The following CEP120 variants were observed in gnomAD, a reference collection of about 807,000 sequenced individuals.
CEP120 encodes centrosomal protein 120, also known as centrosomal protein of 120 kDa.
Under a neutral mutation model 126.5 loss-of-function variants are expected in CEP120, and 113 were observed. The observed-to-expected ratio is 0.89, with a 90% CI of 0.77 to 1.04. The LOEUF is 1.04. Among genes scored for constraint, CEP120 ranks in the 50% least tolerant of loss-of-function variants. The pLI is 0.00. For missense variants in CEP120, 1,230 were observed against 1,155.7 expected, an observed-to-expected ratio of 1.06 and a Z score of -0.93; for synonymous variants, 400 against 394.3, an observed-to-expected ratio of 1.01 and a Z score of -0.17.
chr5:123,409,017 G>C (rs1371750540), intron 4 of CEP120, among the ~76,000 whole-genome samples: 1 of 152,106 alleles, frequency 6.6e-6, no homozygotes, highest in African/African-American at 2.4e-5. Context: ...GACCAGTCTT[G>C]GCAACATAGG....
chr5:123,414,840 C>T (rs536892549), intron 3 of CEP120, among the ~76,000 whole-genome samples: 84 of 151,738 alleles, frequency 5.5e-4, no homozygotes, highest in South Asian at 5.2e-3. Flanking sequence ...GGCATGGTGG[C>T]GGGTGCCTGT....
chr5:123,353,531 T>C (rs549284252), intron 18 of CEP120, among the ~76,000 whole-genome samples: 148 of 152,070 alleles, frequency 9.7e-4, no homozygotes, highest in African/African-American at 3.5e-3. Context: ...TAAGCATTTT[T>C]CACTTCCCAT....
intron 3 of CEP120, among the ~76,000 whole-genome samples, chr5:123,414,277 G>A (rs1011609864): frequency 1.9e-4 from 29 of 152,134 alleles, no homozygotes; most frequent in African/African-American, 7.0e-4. Context: ...TCAAAGCCCA[G>A]GGTCTAAAAC....
At chr5:123,369,611 G>A (rs1424147330) in intron 17 of CEP120, among the ~76,000 whole-genome samples, 1 of 151,836 alleles carries the variant, frequency 6.6e-6, no homozygotes, top group Non-Finnish European at 1.5e-5. Context: ...GCTGTTCCCA[G>A]GACACACCTT....
intron 1 of CEP120, among the ~76,000 whole-genome samples, chr5:123,418,725 T>C (rs1247932189): frequency 6.6e-6 from 1 of 151,998 alleles, no homozygotes; most frequent in Non-Finnish European, 1.5e-5. Flanking sequence ...GCCTCCCAAG[T>C]AGCTGGGATT....
At chr5:123,402,439 A>G in intron 4 of CEP120, 1 of 997,140 alleles carries the variant, frequency 1.0e-6, no homozygotes, top group African/African-American at 1.6e-5. Context: ...TTTTTTATTG[A>G]GACAGAGTCT....
At chr5:123,391,013 T>A in intron 7 of CEP120, 97 bp downstream of exon 7, 2 of 806,332 alleles carry the variant, frequency 2.5e-6, no homozygotes, top group Non-Finnish European at 4.0e-6. Context: ...TTAATAAATA[T>A]ATCCTTATGA....
Position 123,377,522 on chromosome 5 carries a change from T to C in CEP120, c.2210A>G (p.Lys737Arg). 1.3e-6 allele frequency: 2 copies of C among 1,583,834 alleles called. No individual in the cohort carries two copies. Among genetic ancestry groups the C allele is most frequent in the Non-Finnish European group, 1.7e-6 (2 of 1,172,792 alleles). ...ASVESELQRE[K>R]KELQSERQRN... Reference sequence around the variant, plus strand: ...CTGACGTTCTGATTGCAGTTCCTTTTTTTCTCTTTGAAGCTTAAAACAAAG... The same window carrying C: ...CTGACGTTCTGATTGCAGTTCCTTTCTTTCTCTTTGAAGCTTAAAACAAAG... Residue 737 changes from lysine to arginine, a missense_variant, in exon 16 of 20, where the codon AAA (lysine) becomes AGA (arginine). Coordinates refer to ENST00000306467, the MANE Select transcript of CEP120 (RefSeq NM_001375405.1).
At position 123,391,169 on chromosome 5, in the gene CEP120, C is replaced by T; in HGVS notation, c.979G>A (p.Glu327Lys). The T allele has an allele frequency of 1.2e-6, 2 of 1,614,158 alleles. No individual in the cohort carries two copies. The highest frequency in any genetic ancestry group is 1.7e-6 in the Non-Finnish European group (2 of 1,180,032). ...AKQKLAPIPV[E>K]LAPTVGVSVA... ...GACACTCCCACAGTTGGGGCTAGCT[C>T]CACAGGAATAGGTGCAAGCTTCTGT... The change falls in exon 7 of 20, where the codon GAG becomes AAG. Residue 327 changes from glutamate (E) to lysine (K), a missense_variant. Coordinates refer to ENST00000306467, the MANE Select transcript of CEP120 (RefSeq NM_001375405.1).
rs750757836 is a variant in CEP120, at chr5:123,377,512, C to A, written c.2220G>T (p.Leu740=). 14 of 1,586,160 alleles carry A rather than the reference C, an allele frequency of 8.8e-6. No homozygotes were observed. In the Admixed American group the frequency reaches 2.8e-4, roughly 32 times the overall value. Residue 740 remains leucine (L), a synonymous_variant, in exon 16 of 20, where the codon CTG becomes CTT. Coordinates refer to ENST00000306467, the MANE Select transcript of CEP120 (RefSeq NM_001375405.1). ...ESELQREKKE[L]QSERQRNLQE... ...GCAGGTTCCGCTGACGTTCTGATTG[C>A]AGTTCCTTTTTTTCTCTTTGAAGCT... is the stretch of plus-strand genomic sequence containing the variant.
Position 123,418,344 on chromosome 5 carries a change from GA to G in CEP120, c.206+14del. ...AAGAAACCAATAAAGAAGCTAAAAT[GA>G]AAATGATAATCACCTGTGCTGATGA... is the stretch of plus-strand genomic sequence containing the variant. On this transcript the variant is annotated intron_variant, in intron 2 of 19. Coordinates refer to ENST00000306467, the MANE Select transcript of CEP120 (RefSeq NM_001375405.1). 2 of 1,536,240 alleles carry G rather than the reference GA, an allele frequency of 1.3e-6. No individual in the cohort carries two copies. Among genetic ancestry groups the G allele is most frequent in the South Asian group, 1.3e-5 (1 of 79,906 alleles).
chr5:123,399,917 C>A (rs1041286910), intron 4 of CEP120, among the ~76,000 whole-genome samples: 1 of 152,100 alleles, frequency 6.6e-6, no homozygotes, highest in Admixed American at 6.6e-5. Context: ...TATGAGGAGA[C>A]TGAAGAGGGA....
chr5:123,386,675 T>TAAAAAAAAAA lies in CEP120; in HGVS notation c.1431-9_1431-8insTTTTTTTTTT, dbSNP rs1562047830. The TAAAAAAAAAA allele has an allele frequency of 1.2e-5, 8 of 688,976 alleles. 3 individuals carry two copies. The highest frequency in any genetic ancestry group is 7.7e-5 in the Admixed American group (1 of 12,994). 42.7% of individuals were successfully genotyped at this position (688,976 alleles called of 1,614,324 possible). A position where few individuals can be genotyped will look rare whatever the true frequency, so the allele number is the denominator to read the frequency against. Reference sequence around the variant, plus strand: ...AAGAATGGATATGAGTACCTAGAATTTAAAAAAAAAAAAAAAAAAAAAAGC... The same window carrying TAAAAAAAAAA: ...AAGAATGGATATGAGTACCTAGAATTAAAAAAAAAATAAAAAAAAAAAAAAAAAAAAAAGC... On this transcript the variant is annotated splice_polypyrimidine_tract_variant and intron_variant, in intron 9 of 19. Coordinates refer to ENST00000306467, the MANE Select transcript of CEP120 (RefSeq NM_001375405.1).
At chr5:123,409,032 C>A (rs776699394) in intron 4 of CEP120, among the ~76,000 whole-genome samples, 16 of 152,130 alleles carry the variant, frequency 1.1e-4, no homozygotes, top group African/African-American at 2.2e-4. Context: ...CATAGGGAGA[C>A]TGCATCTCTA....
In CEP120 at chr5:123,360,859, G is replaced by A. The variant is rs143960289; in HGVS notation, c.2580+3637C>T. Among the ~76,000 whole-genome samples, 49 of 151,680 alleles carry A rather than the reference G, an allele frequency of 3.2e-4. 1 individual carries two copies. In the East Asian group the frequency reaches 6.8e-3, roughly 21 times the overall value. On this transcript the variant is annotated intron_variant, in intron 18 of 19. Coordinates refer to ENST00000306467, the MANE Select transcript of CEP120 (RefSeq NM_001375405.1). ...ACTAACCAAAAGTCAGGAATTTGGG[G>A]GATTCTATTCAGAACACTGTTTACT...
At chr5:123,400,825 T>A in intron 4 of CEP120, 1 of 841,150 alleles carries the variant, frequency 1.2e-6, no homozygotes, top group East Asian at 2.4e-5. Flanking sequence ...CTCAGGTGGG[T>A]CTCCTGTTCC....
chr5:123,351,975 A>AT (rs113921140), intron 18 of CEP120, among the ~76,000 whole-genome samples: 5 of 151,624 alleles, frequency 3.3e-5, no homozygotes, highest in African/African-American at 7.2e-5. Flanking sequence ...TCATAATGTC[A>AT]TTTTTTTTCA....
intron 8 of CEP120, 102 bp downstream of exon 8, chr5:123,389,822 C>G: frequency 9.3e-7 from 1 of 1,075,872 alleles, no homozygotes. Flanking sequence ...AACAAACCCA[C>G]AATTTTTACT....
intron 1 of CEP120, among the ~76,000 whole-genome samples, chr5:123,420,727 T>G (rs1774659465): frequency 6.6e-6 from 1 of 152,206 alleles, no homozygotes; most frequent in East Asian, 1.9e-4. Flanking sequence ...ATCAGACTAC[T>G]GAAAAGATTA....
Sources: gnomAD v4.1 joint callset for allele counts (sites outside exome capture counted in the v4.1 genomes callset) on GRCh38, gnomAD v4.1.1 for gene constraint, MANE v1.5 for transcripts, NCBI Gene and HGNC (gene_info 2026-07-23, HGNC 2026-07-21) for gene names.